Variants in PLEKHG7 observed in about 807,000 individuals in gnomAD.
PLEKHG7 encodes pleckstrin homology and RhoGEF domain containing G7, also known as pleckstrin homology domain-containing family G member 7.
A neutral mutation model predicts 85.2 loss-of-function variants in PLEKHG7; 77 were observed. The observed-to-expected ratio is 0.90, with a 90% confidence interval of 0.75 to 1.09. The LOEUF is 1.09. Ranked by LOEUF, PLEKHG7 falls within the 50% of genes least tolerant of loss-of-function variation. The pLI is 0.00. For missense variants in PLEKHG7, 777 were observed against 804.3 expected (o/e 0.97, Z 0.41); for synonymous variants, 301 against 302.4 (o/e 1.00, Z 0.05).
rs376783207 is a variant in PLEKHG7, at chr12:92,707,011, G to T, written c.380G>T (p.Arg127Leu). 6.2e-7 allele frequency: 1 copy of T among 1,613,222 alleles called. No homozygotes were observed. Among genetic ancestry groups the T allele is most frequent in the African/African-American group, 1.3e-5 (1 of 74,636 alleles). ...GCTGACTCACTGGAGCCCCAAACCC[G>T]GCCCACTGACAAGTATCTCCCTCCT... ...NAADSLEPQT[R>L]PTDKYLPPEL... is the part of the protein sequence containing the mutation. The change falls in exon 2 of 17, where the codon CGG (arginine) becomes CTG (leucine). Residue 127 changes from arginine to leucine, a missense_variant. Physicochemically the swap from Arg to Leu is moderately radical, Grantham distance 102. Around this residue, in one of 3 missense-constraint regions of PLEKHG7, gnomAD observed 252 missense variants for 241.9 expected, o/e 1.04. Transcript: ENST00000344636.
chr12:92,746,090 T>C (rs527739526), intron 10 of PLEKHG7, among the ~76,000 whole-genome samples: 1 of 152,310 alleles, frequency 6.6e-6, no homozygotes, highest in South Asian at 2.1e-4. Flanking sequence ...TCCCACAGCA[T>C]TAAAAGAAGA....
chr12:92,755,974 A>G (rs376574222), intron 12 of PLEKHG7, 34 bp downstream of exon 12: 241 of 1,435,868 alleles, frequency 1.7e-4, no homozygotes, highest in Admixed American at 1.0e-3. Context: ...ACTTATGTCC[A>G]TTTCTGGAAT....
At chr12:92,744,893 C>T (rs903227105) in intron 9 of PLEKHG7, among the ~76,000 whole-genome samples, 24 of 152,122 alleles carry the variant, frequency 1.6e-4, no homozygotes, top group African/African-American at 5.3e-4. Flanking sequence ...GTCTCGAACT[C>T]CTGAGCTCAG....
intron 5 of PLEKHG7, among the ~76,000 whole-genome samples, chr12:92,735,647 C>T (rs754164513): frequency 6.6e-6 from 1 of 152,162 alleles, no homozygotes; most frequent in Non-Finnish European, 1.5e-5. Flanking sequence ...AAAATGAACT[C>T]TTTAAGTGGG....
intron 3 of PLEKHG7, among the ~76,000 whole-genome samples, chr12:92,722,013 G>T (rs1429870923): frequency 1.3e-5 from 2 of 151,664 alleles, no homozygotes; most frequent in African/African-American, 2.4e-5. Context: ...ATTGCTTCCA[G>T]TGGATGGTCA....
In PLEKHG7 at chr12:92,757,832, T is replaced by C. The variant is rs17837147; in HGVS notation, c.1636+1441T>C. 8.1e-3 allele frequency among the ~76,000 whole-genome samples: 1,240 copies of C among 152,254 alleles called. 24 individuals carry two copies. The South Asian group carries it at 0.09, about 11-fold the overall frequency. The stretch of plus-strand genomic sequence containing the variant: ...GAAACTGCAGGCAACCAGAAGTCAT[T>C]GAGCTCTCAGACAGGGAAGTGATAG... On this transcript the variant is annotated intron_variant, in intron 13 of 16. Transcript: ENST00000344636.
chr12:92,755,831 T>C lies in PLEKHG7; in HGVS notation c.1433T>C (p.Leu478Pro). Reference protein sequence around the residue: ...KEKVEKSIRDLEGKVKWLDNF... With the variant: ...KEKVEKSIRDPEGKVKWLDNF... ...ACTATGTCATGTCTTTCAGGGGACC[T>C]TGAAGGAAAAGTGAAGTGGCTGGAC... Residue 478 changes from leucine to proline, a missense_variant, in exon 12 of 17, where the codon CTT (leucine) becomes CCT (proline). Leu to Pro is a moderately conservative substitution (Grantham distance 98). This residue lies in a region of PLEKHG7 where 520 missense variants were observed against 544.0 expected (regional missense o/e 0.96). Coordinates refer to ENST00000344636, the MANE Select transcript of PLEKHG7 (RefSeq NM_001377329.1). 1 of 1,609,116 alleles carries C rather than the reference T, an allele frequency of 6.2e-7. No homozygotes were observed. Among genetic ancestry groups the C allele is most frequent in the South Asian group, 1.1e-5 (1 of 90,772 alleles).
intron 6 of PLEKHG7, among the ~76,000 whole-genome samples, chr12:92,736,878 C>G (rs1449606759): frequency 6.6e-6 from 1 of 152,116 alleles, no homozygotes; most frequent in Non-Finnish European, 1.5e-5. Flanking sequence ...CCTGGATTTC[C>G]TCATTTGAAA....
At chr12:92,736,844 G>A (rs1227885152) in intron 6 of PLEKHG7, among the ~76,000 whole-genome samples, 1 of 152,138 alleles carries the variant, frequency 6.6e-6, no homozygotes, top group East Asian at 1.9e-4. Flanking sequence ...AAAAGTGGGT[G>A]TTACTACTCT....
chr12:92,768,915 T>G, intron 15 of PLEKHG7, 68 bp from the exon 16 acceptor site: 2 of 1,116,856 alleles, frequency 1.8e-6, no homozygotes, highest in Non-Finnish European at 2.6e-6. Flanking sequence ...CAGATTCTTG[T>G]ACTAAGAAAT....
chr12:92,749,478 A>T (rs946865861), intron 10 of PLEKHG7: 5 of 152,076 alleles, frequency 3.3e-5, no homozygotes, highest in African/African-American at 1.2e-4. Flanking sequence ...TTTTATGGAG[A>T]TGGGGTCTCG....
chr12:92,708,509 T>A (rs571799097), intron 3 of PLEKHG7: 4 of 152,240 alleles, frequency 2.6e-5, no homozygotes, highest in Non-Finnish European at 5.9e-5. Context: ...TGTCTGTGTA[T>A]CAGCTAGCTG....
intron 7 of PLEKHG7, among the ~76,000 whole-genome samples, chr12:92,737,745 GAGGGAGGAAGGA>G (rs1565791608): frequency 1.9e-5 from 1 of 52,766 alleles, no homozygotes; most frequent in African/African-American, 4.5e-5. Flanking sequence ...GGAAGGGAGG[GAGGGAGGAAGGA>G]AGGAAGGAAG....
At chr12:92,709,659 A>G (rs978575268) in intron 3 of PLEKHG7, among the ~76,000 whole-genome samples, 1 of 152,224 alleles carries the variant, frequency 6.6e-6, no homozygotes, top group African/African-American at 2.4e-5. Context: ...GCATGAAGCC[A>G]TTTGCAAAAA....
In PLEKHG7 at chr12:92,756,400, C is replaced by T. The variant is rs1441110823; in HGVS notation, c.1636+9C>T. ...AAAATTAACTCTTGCAGGTAAATAA[C>T]TGCTTCCTTTAAAAAACCCAACATC... On this transcript the variant is annotated intron_variant, in intron 13 of 16. Transcript: ENST00000344636. The T allele has an allele frequency of 1.3e-6, 2 of 1,596,110 alleles. No homozygotes were observed. Among genetic ancestry groups the T allele is most frequent in the Non-Finnish European group, 1.7e-6 (2 of 1,164,002 alleles).
intron 3 of PLEKHG7, among the ~76,000 whole-genome samples, chr12:92,711,167 A>G (rs1462346930): frequency 6.6e-6 from 1 of 152,188 alleles, no homozygotes; most frequent in Non-Finnish European, 1.5e-5. Context: ...CACTGGGAAG[A>G]TTTCCTTTCA....
chr12:92,761,286 A>C (rs976484502), intron 13 of PLEKHG7, among the ~76,000 whole-genome samples: 1 of 152,156 alleles, frequency 6.6e-6, no homozygotes, highest in Non-Finnish European at 1.5e-5. Context: ...CTGCAAGTTC[A>C]ATCAGTTGAT....
rs550532300 is a variant in PLEKHG7 at position 92,756,150 on chromosome 12, T to C, written c.1543-148T>C. 2.8e-5 allele frequency: 20 copies of C among 713,684 alleles called. No individual in the cohort carries two copies. In the South Asian group the frequency reaches 3.4e-4, roughly 12 times the overall value. The allele number at this position is 713,684 out of a possible 1,614,324, so 44.2% of individuals were successfully genotyped here. A position where few individuals can be genotyped will look rare whatever the true frequency, so the allele number is the denominator to read the frequency against. On this transcript the variant is annotated intron_variant, in intron 12 of 16. Coordinates refer to ENST00000344636, the MANE Select transcript of PLEKHG7 (RefSeq NM_001377329.1). Reference sequence around the variant, plus strand: ...CTTATGATGGTCCTTCTGAGAGGGTTTTTCATTGTTTCCCATTCCCATGTC... The same window carrying C: ...CTTATGATGGTCCTTCTGAGAGGGTCTTTCATTGTTTCCCATTCCCATGTC...
intron 15 of PLEKHG7, 93 bp downstream of exon 15, chr12:92,764,287 A>C (rs1046400798): frequency 1.2e-5 from 15 of 1,290,208 alleles, no homozygotes; most frequent in East Asian, 7.5e-5. Flanking sequence ...ATCCAATTCA[A>C]GTCTTCATAA....
Sources: gnomAD v4.1 joint callset for allele counts (sites outside exome capture counted in the v4.1 genomes callset) on GRCh38, gnomAD v4.1.1 for gene constraint, gnomAD v4.1.1 regional missense constraint, MANE v1.5 for transcripts, NCBI Gene and HGNC (gene_info 2026-07-23, HGNC 2026-07-21) for gene names.